The following ANAPC2 variants were observed in gnomAD, a reference collection of about 807,000 sequenced individuals.
ANAPC2 encodes anaphase-promoting complex subunit 2.
In ANAPC2, 29 loss-of-function variants were observed where a neutral mutation model predicts 84.3. The observed-to-expected ratio is 0.34, with a 90% CI of 0.26 to 0.47. ANAPC2 has a LOEUF of 0.47. Among genes scored for constraint, ANAPC2 ranks in the 20% least tolerant of loss-of-function variants. The pLI, the probability that ANAPC2 is intolerant of heterozygous loss-of-function variation, is 1.00. For missense variants in ANAPC2, 857 were observed against 1,131.7 expected, an observed-to-expected ratio of 0.76 and a Z score of 3.48; for synonymous variants, 571 against 479.4, an observed-to-expected ratio of 1.19 and a Z score of -2.50.
At position 137,184,902 on chromosome 9, in the gene ANAPC2, G is replaced by A; in HGVS notation, c.1048+11C>T. 6.2e-7 allele frequency: 1 copy of A among 1,611,344 alleles called. No homozygotes were observed. Among genetic ancestry groups the A allele is most frequent in the Non-Finnish European group, 8.5e-7 (1 of 1,179,300 alleles). Reference sequence around the variant, plus strand: ...ACGGGAGAGCGGACCCCAGGGCCGGGGCAGGACCACCTCGGACGATGCTGA... The same window carrying A: ...ACGGGAGAGCGGACCCCAGGGCCGGAGCAGGACCACCTCGGACGATGCTGA... On this transcript the variant is annotated intron_variant, in intron 4 of 12. Coordinates refer to ENST00000323927, the MANE Select transcript of ANAPC2 (RefSeq NM_013366.4).
At chr9:137,187,216 GT>G (rs150798482) in intron 2 of ANAPC2, 10,254 of 497,490 alleles carry the variant, frequency 0.021, 153 homozygotes, top group Middle Eastern at 0.036. Context: ...GAAGTTTGGA[GT>G]TGCTAAGAAA....
At position 137,183,524 on chromosome 9, in the gene ANAPC2, T is replaced by C. The variant is rs1406985823; in HGVS notation, c.1168+148A>G. 6.3e-6 allele frequency: 8 copies of C among 1,260,924 alleles called. No individual in the cohort carries two copies. The East Asian group carries it at 2.0e-4, about 32-fold the overall frequency. The allele number at this position is 1,260,924 out of a possible 1,614,324, so 78.1% of individuals were successfully genotyped here. On this transcript the variant is annotated intron_variant, in intron 5 of 12. Coordinates refer to ENST00000323927, the MANE Select transcript of ANAPC2 (RefSeq NM_013366.4). ...AAGCTGACGGGCACCTCAGATCCCC[T>C]AAGGACCTCACCAATTGCTTCTCAA...
At chr9:137,188,226 CGT>C in intron 1 of ANAPC2, 123 bp from the exon 2 acceptor site, 1 of 1,390,338 alleles carries the variant, frequency 7.2e-7, no homozygotes, top group Non-Finnish European at 9.6e-7. Context: ...GCTGCCCGGA[CGT>C]TGGGCCGAAG....
chr9:137,188,167 G>C (rs183982111), intron 1 of ANAPC2, 64 bp from the exon 2 acceptor site: 2 of 1,553,578 alleles, frequency 1.3e-6, no homozygotes, highest in African/African-American at 1.4e-5. Context: ...GGCGGGGAAG[G>C]GAAGAAGCTG....
chr9:137,180,894 T>C lies in ANAPC2; in HGVS notation c.1504A>G (p.Ile502Val). ...SSSKRRSSDI[I>V]SLLVSIYGSK... ...CCGTAGATGCTGACCAGCAGGCTGA[T>C]GATGTCCGATGAACGCCGCTTGGAG... is the stretch of plus-strand genomic sequence containing the variant. The change falls in exon 8 of 13, where the codon ATC becomes GTC. Residue 502 changes from isoleucine to valine, a missense_variant. Ile to Val is a conservative substitution (Grantham distance 29, BLOSUM62 3). Around this residue, in one of 3 missense-constraint regions of ANAPC2, gnomAD observed 425 missense variants for 595.5 expected, o/e 0.71. Coordinates refer to ENST00000323927, the MANE Select transcript of ANAPC2 (RefSeq NM_013366.4). The C allele has an allele frequency of 6.2e-7, 1 of 1,613,500 alleles. No individual in the cohort carries two copies. Among genetic ancestry groups the C allele is most frequent in the Non-Finnish European group, 8.5e-7 (1 of 1,179,938 alleles).
At chr9:137,181,406 T>C (rs1278036742) in intron 7 of ANAPC2, among the ~76,000 whole-genome samples, 1 of 152,060 alleles carries the variant, frequency 6.6e-6, no homozygotes, top group East Asian at 1.9e-4. Context: ...CCAGGTGCAG[T>C]GGCGGGGCAG....
chr9:137,181,789 C>T lies in ANAPC2; in HGVS notation c.1360G>A (p.Val454Ile). 6.2e-7 allele frequency: 1 copy of T among 1,610,458 alleles called. No homozygotes were observed. Among genetic ancestry groups the T allele is most frequent in the Non-Finnish European group, 8.5e-7 (1 of 1,179,970 alleles). ...GDSDGTGDLA[V>I]ELSKTDPASL... ...GCCGGGTCGGTCTTGGACAGCTCAA[C>T]AGCCAGGTCCCCTGTCCCGTCCGAG... The change falls in exon 7 of 13, where the codon GTT (valine) becomes ATT (isoleucine). Residue 454 changes from valine (V) to isoleucine (I), a missense_variant. Transcript: ENST00000323927.
At position 137,181,832 on chromosome 9, in the gene ANAPC2, C is replaced by T; in HGVS notation, c.1317G>A (p.Val439=). The T allele has an allele frequency of 6.2e-7, 1 of 1,608,292 alleles. No homozygotes were observed. Among genetic ancestry groups the T allele is most frequent in the Non-Finnish European group, 8.5e-7 (1 of 1,179,898 alleles). ...RTREDTVRQI[V]AGLTGDSDGT... ...CGTCCGAGTCCCCCGTCAGCCCAGC[C>T]ACAATCTGCCGCACTGTGTCCTCCC... is the stretch of plus-strand genomic sequence containing the variant. The change falls in exon 7 of 13, where the codon GTG becomes GTA. Residue 439 remains valine (V), a synonymous_variant. Transcript: ENST00000323927.
chr9:137,175,880 C>A, intron 10 of ANAPC2, 43 bp from the exon 11 acceptor site: 2 of 1,551,014 alleles, frequency 1.3e-6, no homozygotes, highest in Non-Finnish European at 1.7e-6. Flanking sequence ...GGCTGCAGGG[C>A]GCTCAGGCCC....
At position 137,186,265 on chromosome 9, in the gene ANAPC2, G is replaced by A. The variant is rs989996868; in HGVS notation, c.832C>T (p.Arg278Trp). The A allele has an allele frequency of 1.9e-6, 3 of 1,612,548 alleles. No individual in the cohort carries two copies. The highest frequency in any genetic ancestry group is 2.5e-6 in the Non-Finnish European group (3 of 1,179,950). Reference sequence around the variant, plus strand: ...AGGAAGGAGCGCTCGTACTCGCCCCGGCAACGGTCCTCCATCCTCTCCCGG... The same window carrying A: ...AGGAAGGAGCGCTCGTACTCGCCCCAGCAACGGTCCTCCATCCTCTCCCGG... The part of the protein sequence containing the change: ...VTRERMEDRC[R>W]GEYERSFLRE... Residue 278 changes from arginine (R) to tryptophan (W), a missense_variant, in exon 3 of 13, where the codon CGG (arginine) becomes TGG (tryptophan). Arg to Trp is a moderately radical substitution (Grantham distance 101). Around this residue, in one of 3 missense-constraint regions of ANAPC2, gnomAD observed 428 missense variants for 513.8 expected, o/e 0.83. Coordinates refer to ENST00000323927, the MANE Select transcript of ANAPC2 (RefSeq NM_013366.4).
chr9:137,180,932 G>A lies in ANAPC2; in HGVS notation c.1469-3C>T, dbSNP rs771421719. ...ACGCCGCTTGGAGCTCGACTTCCCT[G>A]GCATGGTGGGGGCAGGGGTGTCACC... is the stretch of plus-strand genomic sequence containing the variant. On this transcript the variant is annotated splice_region_variant and splice_polypyrimidine_tract_variant and intron_variant, in intron 7 of 12. Coordinates refer to ENST00000323927, the MANE Select transcript of ANAPC2 (RefSeq NM_013366.4). The A allele has an allele frequency of 6.2e-7, 1 of 1,612,798 alleles. No homozygotes were observed. Among genetic ancestry groups the A allele is most frequent in the East Asian group, 2.2e-5 (1 of 44,880 alleles).
chr9:137,185,509 G>A (rs534815656), intron 3 of ANAPC2, among the ~76,000 whole-genome samples: 6 of 152,302 alleles, frequency 3.9e-5, no homozygotes, highest in East Asian at 3.9e-4. Context: ...GCGTGCTCAT[G>A]CCCCACAGAC....
At position 137,174,792 on chromosome 9, in the gene ANAPC2, G is replaced by C; in HGVS notation, c.*150C>G. 3 of 1,402,458 alleles carry C rather than the reference G, an allele frequency of 2.1e-6. No individual in the cohort carries two copies. The highest frequency in any genetic ancestry group is 2.8e-6 in the Non-Finnish European group (3 of 1,072,272). The allele number at this position is 1,402,458 out of a possible 1,614,324, so 86.9% of individuals were successfully genotyped here. A position where few individuals can be genotyped will look rare whatever the true frequency, so the allele number is the denominator to read the frequency against. ...CCACCAGGACAGAAAAGGATGATCT[G>C]ACTTGCTTTAATCTGCACACTGCGG... On this transcript the variant is annotated 3_prime_UTR_variant, in exon 13 of 13. Transcript: ENST00000323927. The surrounding 1 kb of genome is among the most constrained non-coding windows in gnomAD (Gnocchi z 6.1).
At chr9:137,183,935 C>T (rs1404191327) in intron 4 of ANAPC2, 144 bp from the exon 5 acceptor site, 2 of 1,102,232 alleles carry the variant, frequency 1.8e-6, no homozygotes, top group Non-Finnish European at 2.6e-6. Flanking sequence ...CACCAGACAT[C>T]CCCCCGACAC....
Position 137,181,768 on chromosome 9 carries a change from G to A in ANAPC2, c.1381C>T (p.Pro461Ser). 1 of 1,611,070 alleles carries A rather than the reference G, an allele frequency of 6.2e-7. No homozygotes were observed. Among genetic ancestry groups the A allele is most frequent in the Non-Finnish European group, 8.5e-7 (1 of 1,179,922 alleles). Reference sequence around the variant, plus strand: ...TCCTGGCCTGTCTCCAGGCTCGCCGGGTCGGTCTTGGACAGCTCAACAGCC... The same window carrying A: ...TCCTGGCCTGTCTCCAGGCTCGCCGAGTCGGTCTTGGACAGCTCAACAGCC... ...DLAVELSKTD[P>S]ASLETGQDSE... Residue 461 changes from proline (P) to serine (S), a missense_variant, in exon 7 of 13, where the codon CCG becomes TCG. This residue lies in a region of ANAPC2 where 425 missense variants were observed against 595.5 expected (regional missense o/e 0.71). Coordinates refer to ENST00000323927, the MANE Select transcript of ANAPC2 (RefSeq NM_013366.4).
At chr9:137,182,474 A>G (rs569569471) in intron 6 of ANAPC2, among the ~76,000 whole-genome samples, 226 of 151,656 alleles carry the variant, frequency 1.5e-3, no homozygotes, top group African/African-American at 5.2e-3. Context: ...GTGCCACTGC[A>G]CTCCAGCCTG....
At chr9:137,183,497 G>C (rs1834386003) in intron 5 of ANAPC2, 175 bp downstream of exon 5, 1 of 1,032,718 alleles carries the variant, frequency 9.7e-7, no homozygotes, top group Non-Finnish European at 1.4e-6. Context: ...GAAGAAACAA[G>C]CAAGCTGACG....
At position 137,174,916 on chromosome 9, in the gene ANAPC2, G is replaced by A. The variant is rs763364223; in HGVS notation, c.*26C>T. 173 of 1,402,770 alleles carry A rather than the reference G, an allele frequency of 1.2e-4. No individual in the cohort carries two copies. The South Asian group carries it at 2.4e-3, about 19-fold the overall frequency. 86.9% of individuals were successfully genotyped at this position (1,402,770 alleles called of 1,614,324 possible). On this transcript the variant is annotated 3_prime_UTR_variant, in exon 13 of 13. Coordinates refer to ENST00000323927, the MANE Select transcript of ANAPC2 (RefSeq NM_013366.4). This position sits in a 1 kb window ranked among gnomAD's most constrained non-coding sequence, Gnocchi z 6.1. ...GAGCACCTGCAGGGCAGCGCCTGGC[G>A]GGCGGGCGGGCGGGCGGGCGATGTG...
intron 2 of ANAPC2, 35 bp from the exon 3 acceptor site, chr9:137,186,391 C>G: frequency 6.4e-7 from 1 of 1,562,020 alleles, no homozygotes; most frequent in Non-Finnish European, 8.7e-7. Context: ...GCACCCAGAG[C>G]ACACACCGGC....
Sources: allele counts gnomAD v4.1 joint callset (sites outside exome capture counted in the v4.1 genomes callset), GRCh38; gene constraint gnomAD v4.1.1; regional missense constraint gnomAD v4.1.1; non-coding constraint Gnocchi (gnomAD v3.1); transcripts MANE v1.5; gene names NCBI Gene and HGNC (gene_info 2026-07-23, HGNC 2026-07-21).